The following VCF2 variants were observed in gnomAD, a reference collection of about 807,000 sequenced individuals.
The protein encoded by VCF2 is protein VCF2.
the VCF2 span, chrX:55,161,062 G>A: frequency 8.4e-7 from 1 of 1,196,545 alleles, no homozygotes; most frequent in South Asian, 1.8e-5. Context: ...GATCTTGGCT[G>A]AGAAAGCAAA....
chrX:55,161,100 G>A, the VCF2 span: 8 of 1,207,271 alleles, frequency 6.6e-6, no homozygotes, highest in Non-Finnish European at 9.0e-6. Flanking sequence ...ACCAGAGCTC[G>A]GACTGGTACC....
chrX:55,153,651 G>A, the VCF2 span, among the ~76,000 whole-genome samples: 3 of 110,456 alleles, frequency 2.7e-5, no homozygotes, highest in South Asian at 3.9e-4. Context: ...ATGAGCCACC[G>A]CGCCCGTCCT....
the VCF2 span, among the ~76,000 whole-genome samples, chrX:55,157,263 T>C: frequency 8.9e-6 from 1 of 112,654 alleles, no homozygotes; most frequent in East Asian, 2.8e-4. Context: ...CGGGGCGTGG[T>C]GGCTGATGCC....
the VCF2 span, among the ~76,000 whole-genome samples, chrX:55,151,959 T>C: frequency 1.1e-5 from 1 of 93,558 alleles, no homozygotes. Context: ...TGGCGGGATC[T>C]CGGCTCACTG....
the VCF2 span, among the ~76,000 whole-genome samples, chrX:55,147,046 C>CT: frequency 1.8e-5 from 2 of 111,753 alleles, no homozygotes; most frequent in Non-Finnish European, 3.8e-5. Flanking sequence ...GATTCAGTGT[C>CT]TTTTTTATGT....
chrX:55,160,918 A>C, the VCF2 span: 1 of 1,160,444 alleles, frequency 8.6e-7, no homozygotes, highest in African/African-American at 1.8e-5. Flanking sequence ...TTTTTTTTCA[A>C]GCACGAAGGG....
chrX:55,156,674 T>C, the VCF2 span, among the ~76,000 whole-genome samples: 4 of 112,434 alleles, frequency 3.6e-5, no homozygotes, highest in Non-Finnish European at 7.5e-5. Flanking sequence ...TTTTGTAGCT[T>C]AGTTTCCCTC....
chrX:55,143,552 G>T, the VCF2 span: 1 of 253,659 alleles, frequency 3.9e-6, no homozygotes, highest in East Asian at 6.3e-5. Context: ...GCTTTCTTGG[G>T]GAAGAAAACA....
At chrX:55,144,652 T>C in the VCF2 span, among the ~76,000 whole-genome samples, 1 of 112,272 alleles carries the variant, frequency 8.9e-6, no homozygotes, top group East Asian at 2.8e-4. Context: ...TTCATTTTCA[T>C]ATGTTAATTC....
chrX:55,151,545 G>A, the VCF2 span, among the ~76,000 whole-genome samples: 2 of 90,064 alleles, frequency 2.2e-5, no homozygotes, highest in Non-Finnish European at 2.4e-5. Context: ...GAGCGTGCAC[G>A]GCAAATAGTT....
the VCF2 span, among the ~76,000 whole-genome samples, chrX:55,147,637 T>TG: frequency 6.3e-5 from 6 of 94,643 alleles, no homozygotes; most frequent in Non-Finnish European, 1.1e-4. Context: ...TTTCCTTGTT[T>TG]TTTTTTTTTT....
chrX:55,146,026 G>A, the VCF2 span: 1 of 1,160,732 alleles, frequency 8.6e-7, no homozygotes, highest in Non-Finnish European at 1.1e-6. Context: ...TTTTTTTGGT[G>A]TGTATGCAAT....
At chrX:55,147,847 AC>A in the VCF2 span, among the ~76,000 whole-genome samples, 1 of 110,371 alleles carries the variant, frequency 9.1e-6, no homozygotes, top group Non-Finnish European at 1.9e-5. Context: ...AAAAAAATCT[AC>A]CTTTAATTTG....
At chrX:55,154,746 C>G in the VCF2 span, among the ~76,000 whole-genome samples, 3 of 112,468 alleles carry the variant, frequency 2.7e-5, no homozygotes, top group Non-Finnish European at 5.6e-5. Context: ...AACACTTTGA[C>G]TCGTGTGCAT....
chrX:55,158,001 G>C, the VCF2 span, among the ~76,000 whole-genome samples: 2 of 112,251 alleles, frequency 1.8e-5, no homozygotes, highest in Non-Finnish European at 3.8e-5. Context: ...ATGTATGGTT[G>C]AAAGAAAATA....
the VCF2 span, among the ~76,000 whole-genome samples, chrX:55,151,168 ACT>A: frequency 8.9e-6 from 1 of 111,924 alleles, no homozygotes; most frequent in African/African-American, 3.2e-5. Flanking sequence ...AATTGATAAG[ACT>A]CTGTTTTCTT....
the VCF2 span, among the ~76,000 whole-genome samples, chrX:55,155,941 CT>C: frequency 0.011 from 562 of 50,497 alleles, 3 homozygotes; most frequent in African/African-American, 0.026. Context: ...TCTTCTTCTT[CT>C]TTTTTTTTTT....
the VCF2 span, chrX:55,145,646 T>C: frequency 7.9e-6 from 6 of 757,414 alleles, no homozygotes; most frequent in Non-Finnish European, 9.4e-6. Flanking sequence ...TGAGTGTGGA[T>C]TTTTTGTTTG....
the VCF2 span, chrX:55,143,950 G>C: frequency 1.5e-6 from 1 of 677,758 alleles, no homozygotes; most frequent in Non-Finnish European, 2.2e-6. Flanking sequence ...TCTGGAATAA[G>C]ACTGTGCTTA....
Sources: gnomAD v4.1 joint callset for allele counts (sites outside exome capture counted in the v4.1 genomes callset) on GRCh38, gnomAD v4.1.1 for gene constraint, MANE v1.5 for transcripts, NCBI Gene and HGNC (gene_info 2026-07-23, HGNC 2026-07-21) for gene names.